SDK1: variants seen among roughly 807,000 people sequenced by gnomAD.
SDK1 encodes protein sidekick-1.
In SDK1, 157 loss-of-function variants were observed where a neutral mutation model predicts 245.5. That is an observed-to-expected ratio of 0.64 (90% CI 0.56 to 0.73). SDK1 has a LOEUF of 0.73. SDK1 is among the 30% of genes least tolerant of loss of function. SDK1 has a pLI of 0.00. For synonymous variants in SDK1, 1,647 were observed against 1,278.5 expected, an observed-to-expected ratio of 1.29 and a Z score of -6.15; for missense variants, 3,583 against 3,002.3, an observed-to-expected ratio of 1.19 and a Z score of -4.52.
chr7:3,465,701 C>G (rs1372853332), intron 1 of SDK1, among the ~76,000 whole-genome samples: 4 of 152,150 alleles, frequency 2.6e-5, no homozygotes, highest in African/African-American at 9.7e-5. Flanking sequence ...CGTATATGAT[C>G]ATTCAGGCGC....
chr7:3,871,732 C>A (rs1016169456), intron 5 of SDK1, among the ~76,000 whole-genome samples: 1 of 152,166 alleles, frequency 6.6e-6, no homozygotes, highest in South Asian at 2.1e-4. Flanking sequence ...AATGACCAAC[C>A]CTTTCGTGAG....
chr7:3,647,023 T>A (rs180788595), intron 4 of SDK1, among the ~76,000 whole-genome samples: 1 of 152,276 alleles, frequency 6.6e-6, no homozygotes, highest in Non-Finnish European at 1.5e-5. Flanking sequence ...TGAAGATGGA[T>A]GATGGTGATG....
At chr7:3,739,995 C>T (rs954715794) in intron 4 of SDK1, among the ~76,000 whole-genome samples, 1 of 152,204 alleles carries the variant, frequency 6.6e-6, no homozygotes, top group African/African-American at 2.4e-5. Flanking sequence ...TGTTTAGCCT[C>T]TGAAGTCTCT....
chr7:4,204,541 T>TG (rs1174258932), intron 35 of SDK1, among the ~76,000 whole-genome samples: 1 of 148,086 alleles, frequency 6.8e-6, no homozygotes, highest in Non-Finnish European at 1.5e-5. Context: ...GAGGGGGTGA[T>TG]GGGGAAGGGG....
intron 4 of SDK1, among the ~76,000 whole-genome samples, chr7:3,777,106 C>T (rs937233267): frequency 1.3e-5 from 2 of 152,194 alleles, no homozygotes; most frequent in African/African-American, 4.8e-5. Context: ...TGATTTTACT[C>T]TCAACCCCCT....
intron 14 of SDK1, among the ~76,000 whole-genome samples, chr7:4,007,936 C>T (rs937819015): frequency 6.6e-6 from 1 of 152,186 alleles, no homozygotes; most frequent in Non-Finnish European, 1.5e-5. Context: ...CCATCATGTT[C>T]ACCATTTGTA....
intron 30 of SDK1, among the ~76,000 whole-genome samples, chr7:4,151,171 C>T (rs139641860): frequency 6.5e-4 from 99 of 152,304 alleles, no homozygotes; most frequent in Non-Finnish European, 9.8e-4. Flanking sequence ...GAGGGTCACA[C>T]GGACCATCGG....
At chr7:3,700,324 G>C (rs951551063) in intron 4 of SDK1, among the ~76,000 whole-genome samples, 9 of 152,138 alleles carry the variant, frequency 5.9e-5, no homozygotes, top group Admixed American at 4.6e-4. Flanking sequence ...TTTTCCTTTT[G>C]AGTTGTCTAA....
intron 4 of SDK1, among the ~76,000 whole-genome samples, chr7:3,698,410 G>T (rs925050923): frequency 6.6e-6 from 1 of 152,162 alleles, no homozygotes; most frequent in South Asian, 2.1e-4. Context: ...GGTGCTGTCA[G>T]GGTGTCCCTT....
chr7:4,153,384 G>A (rs1018210480), intron 30 of SDK1, among the ~76,000 whole-genome samples: 4 of 152,082 alleles, frequency 2.6e-5, no homozygotes, highest in Admixed American at 6.6e-5. Flanking sequence ...TCAGGAGATC[G>A]AGCCCATCCT....
At chr7:3,419,315 A>G (rs114249220) in intron 1 of SDK1, among the ~76,000 whole-genome samples, 1,580 of 152,266 alleles carry the variant, frequency 0.01, 28 homozygotes, top group African/African-American at 0.036. Context: ...TTTAGGTTAT[A>G]CTGCGTCTCT....
At chr7:3,907,556 G>A (rs1258329691) in intron 5 of SDK1, among the ~76,000 whole-genome samples, 1 of 152,152 alleles carries the variant, frequency 6.6e-6, no homozygotes, top group Non-Finnish European at 1.5e-5. Flanking sequence ...TGGCTCTTGT[G>A]AATAATGCTG....
intron 14 of SDK1, among the ~76,000 whole-genome samples, chr7:3,994,225 C>G (rs980136787): frequency 6.6e-6 from 1 of 152,188 alleles, no homozygotes; most frequent in African/African-American, 2.4e-5. Context: ...TCTGCTAAGC[C>G]TCAGATTCTT....
chr7:3,695,662 C>A (rs1280864311), intron 4 of SDK1, among the ~76,000 whole-genome samples: 8 of 152,172 alleles, frequency 5.3e-5, no homozygotes, highest in African/African-American at 1.9e-4. Context: ...ATTGTTAGTG[C>A]ATTAAGCATT....
intron 4 of SDK1, among the ~76,000 whole-genome samples, chr7:3,755,325 C>A (rs1190538404): frequency 6.6e-6 from 1 of 152,100 alleles, no homozygotes; most frequent in Non-Finnish European, 1.5e-5. Context: ...CAGTCACTGG[C>A]CAAGTGCTGA....
chr7:3,432,237 A>G (rs1026384464), intron 1 of SDK1, among the ~76,000 whole-genome samples: 1 of 151,618 alleles, frequency 6.6e-6, no homozygotes, highest in African/African-American at 2.4e-5. Context: ...CATTAGTGCC[A>G]ACTGTGCTGT....
rs767903888 is a variant in SDK1 at position 3,641,981 on chromosome 7, G to A, written c.589G>A (p.Asp197Asn). The change falls in exon 4 of 45, where the codon GAC becomes AAC. Residue 197 changes from aspartate (D) to asparagine (N), a missense_variant. Transcript: ENST00000404826. ...VAYMGSFMDT[D>N]QRKTVSQGRA... is the part of the protein sequence containing the mutation. ...AGATATGGGAAGTTTCATGGATACG[G>A]ACCAGAGGAAAACAGTTTCTCAAGG... The A allele has an allele frequency of 6.2e-7, 1 of 1,613,940 alleles. No homozygotes were observed. Among genetic ancestry groups the A allele is most frequent in the Non-Finnish European group, 8.5e-7 (1 of 1,179,930 alleles).
At chr7:4,007,349 G>C (rs897431682) in intron 14 of SDK1, among the ~76,000 whole-genome samples, 8 of 152,114 alleles carry the variant, frequency 5.3e-5, no homozygotes, top group African/African-American at 1.9e-4. Context: ...GCTTGGAAAA[G>C]AGGGGGACCC....
rs191480863 is a variant in SDK1 at position 3,571,472 on chromosome 7, T to A, written c.299-47608T>A. On this transcript the variant is annotated intron_variant, in intron 1 of 44. Coordinates refer to ENST00000404826, the MANE Select transcript of SDK1 (RefSeq NM_152744.4). ...CCCGTACCACCATGCCCAGCTAATT[T>A]AAAAATTTTTTTTGTACAGACAGGG... is the stretch of plus-strand genomic sequence containing the variant. 3.9e-4 allele frequency among the ~76,000 whole-genome samples: 60 copies of A among 152,064 alleles called. 1 individual carries two copies. The highest frequency in any genetic ancestry group is 2.2e-3 in the Admixed American group (33 of 15,264).
Sources: allele counts gnomAD v4.1 joint callset (sites outside exome capture counted in the v4.1 genomes callset), GRCh38; gene constraint gnomAD v4.1.1; transcripts MANE v1.5; gene names NCBI Gene and HGNC (gene_info 2026-07-23, HGNC 2026-07-21).